The following XKR9 variants were observed in gnomAD, a reference collection of about 807,000 sequenced individuals.
XKR9 encodes XK related 9.
A neutral mutation model predicts 32.0 loss-of-function variants in XKR9; 32 were observed. That is an observed-to-expected ratio of 1.00 (90% CI 0.76 to 1.34). The LOEUF (loss-of-function observed/expected upper bound fraction) is 1.34. Ranked by LOEUF, XKR9 falls within the 40% of genes most tolerant of loss-of-function variation. The pLI is 0.00. For synonymous variants in XKR9, 168 were observed against 143.4 expected (o/e 1.17, Z -1.22); for missense variants, 546 against 429.7 (o/e 1.27, Z -2.39).
intron 3 of XKR9, among the ~76,000 whole-genome samples, chr8:70,685,910 A>C (rs1367051231): frequency 2.0e-5 from 3 of 151,550 alleles, no homozygotes; most frequent in Non-Finnish European, 1.5e-5. Context: ...ATTATATTTA[A>C]ATAATTTAAA....
chr8:70,764,647 T>C (rs1315341844), intron 2 of XKR9, among the ~76,000 whole-genome samples: 5 of 152,160 alleles, frequency 3.3e-5, no homozygotes, highest in African/African-American at 1.2e-4. Context: ...AATGTGTAGG[T>C]TTGTTACATA....
the XKR9 span, among the ~76,000 whole-genome samples, chr8:70,925,392 G>C: frequency 1.3e-5 from 2 of 152,186 alleles, no homozygotes; most frequent in African/African-American, 4.8e-5. Context: ...AGGCTAGGAG[G>C]GATCAGTTTT....
chr8:70,837,927 C>T, the XKR9 span, among the ~76,000 whole-genome samples: 1 of 152,086 alleles, frequency 6.6e-6, no homozygotes, highest in Non-Finnish European at 1.5e-5. Context: ...TAAACAGTAT[C>T]ATTTATTTCA....
chr8:70,928,331 C>A, the XKR9 span, among the ~76,000 whole-genome samples: 82 of 152,296 alleles, frequency 5.4e-4, no homozygotes, highest in Middle Eastern at 3.4e-3. Context: ...AGGCGTGAAC[C>A]ACCCACCTGC....
chr8:70,806,294 C>G, the XKR9 span, among the ~76,000 whole-genome samples: 1 of 152,216 alleles, frequency 6.6e-6, no homozygotes, highest in Non-Finnish European at 1.5e-5. Context: ...ACTACACAAA[C>G]TCACAAAGTT....
chr8:70,886,073 A>T, the XKR9 span, among the ~76,000 whole-genome samples: 1 of 151,944 alleles, frequency 6.6e-6, no homozygotes, highest in African/African-American at 2.4e-5. Context: ...TTGATGTGTG[A>T]TGTTCCCCAC....
chr8:70,770,980 T>C (rs1807446408), intron 2 of XKR9, among the ~76,000 whole-genome samples: 1 of 152,166 alleles, frequency 6.6e-6, no homozygotes, highest in African/African-American at 2.4e-5. Flanking sequence ...CTCCTGCAGC[T>C]AGCTTGGTGT....
the XKR9 span, among the ~76,000 whole-genome samples, chr8:70,808,754 G>A: frequency 2.6e-5 from 4 of 152,206 alleles, no homozygotes; most frequent in South Asian, 2.1e-4. Context: ...GGGGAGGGGC[G>A]CCAGCCATTG....
chr8:70,746,511 G>C (rs1342464185), intron 2 of XKR9, among the ~76,000 whole-genome samples: 4 of 149,830 alleles, frequency 2.7e-5, no homozygotes, highest in Non-Finnish European at 5.9e-5. Context: ...AGATCACAGA[G>C]TATAGGGAAT....
At chr8:70,739,499 A>G (rs1223688404), downstream of XKR9, among the ~76,000 whole-genome samples, 1 of 152,064 alleles carries the variant, frequency 6.6e-6, no homozygotes, top group Non-Finnish European at 1.5e-5. Context: ...TGCGAATTTG[A>G]TCCTGTCATT....
At chr8:70,925,292 A>G in the XKR9 span, among the ~76,000 whole-genome samples, 5 of 152,214 alleles carry the variant, frequency 3.3e-5, no homozygotes, top group Non-Finnish European at 5.9e-5. Flanking sequence ...CCTCAATAGC[A>G]TATATAAGCC....
intron 2 of XKR9, among the ~76,000 whole-genome samples, chr8:70,778,767 A>G (rs1807569794): frequency 1.3e-5 from 2 of 152,132 alleles, no homozygotes; most frequent in Admixed American, 6.5e-5. Flanking sequence ...ATTGGTGTAT[A>G]GGGATGCTTG....
downstream of XKR9, among the ~76,000 whole-genome samples, chr8:70,790,781 A>G (rs1261121300): frequency 6.6e-6 from 1 of 152,144 alleles, no homozygotes; most frequent in Non-Finnish European, 1.5e-5. Flanking sequence ...CTATATCAAA[A>G]TACCATAAAT....
rs1807564036 is a variant in XKR9, at chr8:70,778,456, T to C, written n.353-10883T>C. ...CTCTTTTTTGGTTCCATATGGACTT[T>C]GAAATAGTTTTTTTCCAATTCTGTG... On this transcript the variant is annotated intron_variant and non_coding_transcript_variant, in intron 2 of 3. Transcript: ENST00000520273. 3.9e-5 allele frequency among the ~76,000 whole-genome samples: 6 copies of C among 152,362 alleles called. No homozygotes were observed. The South Asian group carries it at 1.2e-3, about 32-fold the overall frequency.
chr8:70,819,326 T>C, the XKR9 span, among the ~76,000 whole-genome samples: 1 of 152,184 alleles, frequency 6.6e-6, no homozygotes, highest in African/African-American at 2.4e-5. Flanking sequence ...AAAGAAAAGA[T>C]TTAGTGATAT....
Position 70,707,123 on chromosome 8 carries a change from C to G in XKR9, c.463C>G (p.Leu155Val). The G allele has an allele frequency of 6.2e-7, 1 of 1,613,178 alleles. No individual in the cohort carries two copies. The highest frequency in any genetic ancestry group is 1.1e-5 in the South Asian group (1 of 91,006). Residue 155 changes from leucine to valine, a missense_variant, in exon 4 of 5, where the codon CTG (leucine) becomes GTG (valine). Transcript: ENST00000408926. Reference sequence around the variant, plus strand: ...ACTTATTCTTCAACTCTACATTCTTCTGGAGCATGGACAAGCGAATTTCAG... The same window carrying G: ...ACTTATTCTTCAACTCTACATTCTTGTGGAGCATGGACAAGCGAATTTCAG... ...PQLILQLYIL[L>V]EHGQANFSQY...
the XKR9 span, among the ~76,000 whole-genome samples, chr8:70,803,175 G>A: frequency 6.6e-6 from 1 of 151,630 alleles, no homozygotes; most frequent in Admixed American, 6.6e-5. Context: ...TATTGTGACT[G>A]TTATTTCAGA....
chr8:70,849,254 TAACA>T, the XKR9 span, among the ~76,000 whole-genome samples: 3,195 of 152,120 alleles, frequency 0.021, 95 homozygotes, highest in African/African-American at 0.074. Flanking sequence ...CCAGAAATCT[TAACA>T]AACAATCTCT....
the XKR9 span, among the ~76,000 whole-genome samples, chr8:70,928,374 G>A: frequency 1.6e-4 from 25 of 152,042 alleles, no homozygotes; most frequent in African/African-American, 5.8e-4. Context: ...GGACATTTTG[G>A]TTGACCCTGT....
Sources: allele counts gnomAD v4.1 joint callset (sites outside exome capture counted in the v4.1 genomes callset), GRCh38; gene constraint gnomAD v4.1.1; transcripts MANE v1.5; gene names NCBI Gene and HGNC (gene_info 2026-07-23, HGNC 2026-07-21).